Variants in STEAP2 observed in about 807,000 individuals in gnomAD.
The protein encoded by STEAP2 is STEAP2 metalloreductase.
STEAP2 carries 30 observed loss-of-function variants against 46.4 expected under a neutral mutation model. That is an observed-to-expected ratio of 0.65 (90% CI 0.48 to 0.88). STEAP2 has a LOEUF of 0.88. Among genes scored for constraint, STEAP2 ranks in the 40% least tolerant of loss-of-function variants. The probability of loss-of-function intolerance (pLI) is 0.00; values close to 1 mark genes in which losing one functional copy is unlikely to be tolerated. For missense variants in STEAP2, 513 were observed against 579.3 expected (o/e 0.89, Z 1.18); for synonymous variants, 180 against 200.5 (o/e 0.90, Z 0.86).
Position 90,235,324 on chromosome 7 carries a change from C to T in STEAP2, c.*2700C>T, listed in dbSNP as rs754313762. 6.4e-5 allele frequency: 61 copies of T among 948,170 alleles called. No homozygotes were observed. The highest frequency in any genetic ancestry group is 6.7e-5 in the Non-Finnish European group (53 of 796,080). 58.7% of individuals were successfully genotyped at this position (948,170 alleles called of 1,614,324 possible). On this transcript the variant is annotated 3_prime_UTR_variant, in exon 6 of 6. Coordinates refer to ENST00000394621, the MANE Select transcript of STEAP2 (RefSeq NM_001244944.2). Reference sequence around the variant, plus strand: ...TTTTAGAATAAATGTAATATATTTACTATAATTCTAAATGTTTAAATGCTT... The same window carrying T: ...TTTTAGAATAAATGTAATATATTTATTATAATTCTAAATGTTTAAATGCTT...
chr7:90,214,596 A>T lies in STEAP2; in HGVS notation c.-146-1895A>T, dbSNP rs929852263. 5.3e-5 allele frequency among the ~76,000 whole-genome samples: 8 copies of T among 152,172 alleles called. No individual in the cohort carries two copies. In the East Asian group the frequency reaches 1.5e-3, roughly 29 times the overall value. ...AATGGATAGCTGGGTCCAGGACTAG[A>T]GTTTTGCCAAGCAGATATGATGGAG... On this transcript the variant is annotated intron_variant, in intron 1 of 5. Transcript: ENST00000394621.
chr7:90,216,515 A>C lies in STEAP2; in HGVS notation c.-122A>C, dbSNP rs1795022228. On this transcript the variant is annotated 5_prime_UTR_variant, in exon 2 of 6. Transcript: ENST00000394621. The stretch of plus-strand genomic sequence containing the variant: ...GAAAGTGAAGAGAGGAAATTGGAAA[A>C]TTGTGAGTGGACCTTCTGATACTGC... The C allele has an allele frequency of 6.6e-6, 1 of 152,214 alleles. No individual in the cohort carries two copies. Among genetic ancestry groups the C allele is most frequent in the African/African-American group, 2.4e-5 (1 of 41,458 alleles). The allele number at this position is 152,214 out of a possible 1,614,324, so 9.4% of individuals were successfully genotyped here.
At chr7:90,224,555 A>T (rs1323804373) in intron 2 of STEAP2, among the ~76,000 whole-genome samples, 1 of 152,142 alleles carries the variant, frequency 6.6e-6, no homozygotes, top group East Asian at 1.9e-4. Context: ...GTTTAACACC[A>T]CCAGCTCGCC....
Position 90,233,281 on chromosome 7 carries a change from A to T in STEAP2, c.*657A>T. On this transcript the variant is annotated 3_prime_UTR_variant, in exon 6 of 6. Coordinates refer to ENST00000394621, the MANE Select transcript of STEAP2 (RefSeq NM_001244944.2). Reference sequence around the variant, plus strand: ...AATACATACTGATAATACATACCTCATGAAAGATTTTATTCTTTATTGTGT... The same window carrying T: ...AATACATACTGATAATACATACCTCTTGAAAGATTTTATTCTTTATTGTGT... 1.1e-6 allele frequency: 1 copy of T among 949,614 alleles called. No individual in the cohort carries two copies. Among genetic ancestry groups the T allele is most frequent in the East Asian group, 1.2e-4 (1 of 8,606 alleles). 58.8% of individuals were successfully genotyped at this position (949,614 alleles called of 1,614,324 possible).
rs1224535821 is a variant in STEAP2 at position 90,216,477 on chromosome 7, A to G, written c.-146-14A>G. On this transcript the variant is annotated splice_polypyrimidine_tract_variant and intron_variant, in intron 1 of 5. Transcript: ENST00000394621. ...GGAGTGACGCATTTTAAGGAATGGC[A>G]TTGCCTTTCCCAGAAAGTGAAGAGA... is the stretch of plus-strand genomic sequence containing the variant. The G allele has an allele frequency of 2.6e-5, 4 of 152,332 alleles. No homozygotes were observed. Among genetic ancestry groups the G allele is most frequent in the African/African-American group, 9.6e-5 (4 of 41,586 alleles). 9.4% of individuals were successfully genotyped at this position (152,332 alleles called of 1,614,324 possible).
chr7:90,215,421 A>G (rs912381184), intron 1 of STEAP2: 1 of 152,258 alleles, frequency 6.6e-6, no homozygotes, highest in African/African-American at 2.4e-5. Context: ...GAAAACCTTA[A>G]GAGGCTGTCC....
intron 2 of STEAP2, among the ~76,000 whole-genome samples, chr7:90,219,805 G>A (rs1795176196): frequency 6.6e-6 from 1 of 152,134 alleles, no homozygotes; most frequent in South Asian, 2.1e-4. Flanking sequence ...ATAAATCACT[G>A]CAGCCTTCAA....
In STEAP2 at chr7:90,225,428, G is replaced by A; in HGVS notation, c.346G>A (p.Val116Met). ...GCTTGTGGGTAAAATCCTGATTGAT[G>A]TGAGCAATAACATGAGGATAAACCA... ...HLLVGKILIDVSNNMRINQYP... is the reference protein window; with the variant it reads ...HLLVGKILIDMSNNMRINQYP... The change falls in exon 3 of 6, where the codon GTG becomes ATG. Residue 116 changes from valine (V) to methionine (M), a missense_variant. By Grantham distance (21) the Val-to-Met change is conservative. Coordinates refer to ENST00000394621, the MANE Select transcript of STEAP2 (RefSeq NM_001244944.2). 6.2e-7 allele frequency: 1 copy of A among 1,613,840 alleles called. No individual in the cohort carries two copies. Among genetic ancestry groups the A allele is most frequent in the Non-Finnish European group, 8.5e-7 (1 of 1,179,938 alleles).
chr7:90,234,457 G>T lies in STEAP2; in HGVS notation c.*1833G>T. The T allele has an allele frequency of 1.0e-6, 1 of 984,450 alleles. No individual in the cohort carries two copies. Among genetic ancestry groups the T allele is most frequent in the Non-Finnish European group, 1.2e-6 (1 of 829,690 alleles). 61.0% of individuals were successfully genotyped at this position (984,450 alleles called of 1,614,324 possible). On this transcript the variant is annotated 3_prime_UTR_variant, in exon 6 of 6. Coordinates refer to ENST00000394621, the MANE Select transcript of STEAP2 (RefSeq NM_001244944.2). ...AGTAGAGGCTACCTTTCCCACCAGTGACTCTTTTTCTACAACTGCCTTGTC... is the reference window on the plus strand; with the variant it reads ...AGTAGAGGCTACCTTTCCCACCAGTTACTCTTTTTCTACAACTGCCTTGTC...
chr7:90,238,477 T>C (rs1001135832), downstream of STEAP2, among the ~76,000 whole-genome samples: 2 of 152,208 alleles, frequency 1.3e-5, no homozygotes, highest in African/African-American at 4.8e-5. Flanking sequence ...AGCTAGTAGA[T>C]AAATTCTCCC....
chr7:90,220,618 A>G (rs959744172), intron 2 of STEAP2, among the ~76,000 whole-genome samples: 1 of 151,846 alleles, frequency 6.6e-6, no homozygotes, highest in Non-Finnish European at 1.5e-5. Context: ...TTAAGTCCCA[A>G]TTTGTCTAGT....
Position 90,235,539 on chromosome 7 carries a change from T to G in STEAP2, c.*2915T>G. On this transcript the variant is annotated 3_prime_UTR_variant, in exon 6 of 6. Transcript: ENST00000394621. ...GAACCTTAGAGCAGTGGAGATTTGC[T>G]ACCTGGTCTGTGTTTTGAGAAGTGC... 2.0e-6 allele frequency: 2 copies of G among 985,174 alleles called. No homozygotes were observed. The highest frequency in any genetic ancestry group is 2.4e-6 in the Non-Finnish European group (2 of 829,804). 61.0% of individuals were successfully genotyped at this position (985,174 alleles called of 1,614,324 possible). A position where few individuals can be genotyped will look rare whatever the true frequency, so the allele number is the denominator to read the frequency against.
downstream of STEAP2, among the ~76,000 whole-genome samples, chr7:90,241,745 ATC>A (rs1796063957): frequency 1.3e-5 from 2 of 152,326 alleles, no homozygotes; most frequent in Admixed American, 1.3e-4. Context: ...ACTCTCAAGA[ATC>A]TCAGTACAGT....
chr7:90,236,735 T>C lies in STEAP2; in HGVS notation c.*4111T>C, dbSNP rs1584256737. On this transcript the variant is annotated 3_prime_UTR_variant, in exon 6 of 6. Transcript: ENST00000394621. ...GAGTTTTTTTTAACTTTCTAAATTA[T>C]TGAATTTCCATCATGCATTCATCCA... The C allele has an allele frequency of 7.1e-7, 1 of 1,403,958 alleles. No homozygotes were observed. The highest frequency in any genetic ancestry group is 1.5e-5 in the African/African-American group (1 of 68,324). The allele number at this position is 1,403,958 out of a possible 1,614,324, so 87.0% of individuals were successfully genotyped here.
chr7:90,235,812 T>G lies in STEAP2; in HGVS notation c.*3188T>G. ...AAATTTAGCCCAGATTGTCTACATA[T>G]AAGGTTTTTATTTGAATTGTAAAAT... is the stretch of plus-strand genomic sequence containing the variant. On this transcript the variant is annotated 3_prime_UTR_variant, in exon 6 of 6. Coordinates refer to ENST00000394621, the MANE Select transcript of STEAP2 (RefSeq NM_001244944.2). The G allele has an allele frequency of 1.3e-6, 1 of 748,904 alleles. No individual in the cohort carries two copies. Among genetic ancestry groups the G allele is most frequent in the South Asian group, 6.2e-5 (1 of 16,260 alleles). 46.4% of individuals were successfully genotyped at this position (748,904 alleles called of 1,614,324 possible). A position where few individuals can be genotyped will look rare whatever the true frequency, so the allele number is the denominator to read the frequency against.
chr7:90,241,356 C>G (rs1052696129), downstream of STEAP2, among the ~76,000 whole-genome samples: 1 of 152,048 alleles, frequency 6.6e-6, no homozygotes, highest in East Asian at 1.9e-4. Flanking sequence ...GCCCAAGGAC[C>G]CCATTTTGAG....
intron 3 of STEAP2, 51 bp from the exon 4 acceptor site, chr7:90,226,920 C>T (rs755519600): frequency 6.6e-7 from 1 of 1,517,486 alleles, no homozygotes; most frequent in South Asian, 1.3e-5. Flanking sequence ...CGATTGCTAC[C>T]ATTTTTATAA....
Position 90,236,119 on chromosome 7 carries a change from C to A in STEAP2, c.*3495C>A, listed in dbSNP as rs556822205. 32 of 650,038 alleles carry A rather than the reference C, an allele frequency of 4.9e-5. No homozygotes were observed. Among genetic ancestry groups the A allele is most frequent in the Non-Finnish European group, 5.1e-5 (27 of 525,046 alleles). The allele number at this position is 650,038 out of a possible 1,614,324, so 40.3% of individuals were successfully genotyped here. On this transcript the variant is annotated 3_prime_UTR_variant, in exon 6 of 6. Coordinates refer to ENST00000394621, the MANE Select transcript of STEAP2 (RefSeq NM_001244944.2). The stretch of plus-strand genomic sequence containing the variant: ...TTAAATATTTTAATATATCTCCTAT[C>A]TGATAACTTAATTCTTCTAAATTAC...
Position 90,225,484 on chromosome 7 carries a change from T to A in STEAP2, c.402T>A (p.Ala134=). 1 of 1,613,942 alleles carries A rather than the reference T, an allele frequency of 6.2e-7. No homozygotes were observed. The highest frequency in any genetic ancestry group is 8.5e-7 in the Non-Finnish European group (1 of 1,179,898). The change falls in exon 3 of 6, where the codon GCT becomes GCA. Residue 134 remains alanine, a synonymous_variant. Transcript: ENST00000394621. ...QYPESNAEYL[A]SLFPDSLIVK... is the part of the protein sequence containing the mutation. Reference sequence around the variant, plus strand: ...CAGAATCCAATGCTGAATATTTGGCTTCATTATTCCCAGATTCTTTGATTG... The same window carrying A: ...CAGAATCCAATGCTGAATATTTGGCATCATTATTCCCAGATTCTTTGATTG...
Sources: allele counts gnomAD v4.1 joint callset (sites outside exome capture counted in the v4.1 genomes callset), GRCh38; gene constraint gnomAD v4.1.1; transcripts MANE v1.5; gene names NCBI Gene and HGNC (gene_info 2026-07-23, HGNC 2026-07-21).